The following TEX10 variants were observed in gnomAD, a reference collection of about 807,000 sequenced individuals.
TEX10 encodes testis-expressed protein 10.
TEX10 carries 24 observed loss-of-function variants against 104.4 expected under a neutral mutation model. The ratio of observed to expected loss-of-function variants is 0.23; its 90% confidence interval spans 0.17 to 0.32. TEX10 has a LOEUF of 0.32. TEX10 is among the 10% of genes least tolerant of loss of function. The pLI, the probability that TEX10 is intolerant of heterozygous loss-of-function variation, is 1.00. For missense variants in TEX10, 921 were observed against 1,083.9 expected, an observed-to-expected ratio of 0.85 and a Z score of 2.11; for synonymous variants, 396 against 393.4, an observed-to-expected ratio of 1.01 and a Z score of -0.08.
intron 13 of TEX10, chr9:100,304,212 TAC>T (rs1375113817): frequency 4.2e-6 from 1 of 237,716 alleles, no homozygotes; most frequent in Non-Finnish European, 8.4e-6. Flanking sequence ...CCTATCAAAC[TAC>T]CAACATCATT....
At chr9:100,347,439 C>A (rs561479468) in intron 2 of TEX10, 33 bp from the exon 3 acceptor site, 1 of 1,449,662 alleles carries the variant, frequency 6.9e-7, no homozygotes, top group East Asian at 2.3e-5. Context: ...TAGATGTATA[C>A]TTATATACAT....
intron 4 of TEX10, among the ~76,000 whole-genome samples, chr9:100,345,435 CAA>C (rs980429039): frequency 2.6e-5 from 4 of 152,206 alleles, no homozygotes; most frequent in African/African-American, 9.6e-5. Flanking sequence ...CCTGCCTTAT[CAA>C]AAGTCCTTAC....
At chr9:100,338,878 G>A (rs2118912243) in intron 5 of TEX10, among the ~76,000 whole-genome samples, 1 of 152,002 alleles carries the variant, frequency 6.6e-6, no homozygotes, top group Non-Finnish European at 1.5e-5. Flanking sequence ...GCAACAGAGT[G>A]AGACTCTGTC....
chr9:100,313,236 C>A (rs918920753), intron 11 of TEX10, among the ~76,000 whole-genome samples: 2 of 152,088 alleles, frequency 1.3e-5, no homozygotes, highest in Non-Finnish European at 2.9e-5. Flanking sequence ...AAATAGTGGC[C>A]GGGCATGGTG....
chr9:100,312,417 T>G (rs1834304019), intron 11 of TEX10, among the ~76,000 whole-genome samples: 1 of 152,080 alleles, frequency 6.6e-6, no homozygotes. Flanking sequence ...GTAAATATAT[T>G]AAGTATAACT....
Position 100,352,507 on chromosome 9 carries a change from C to T in TEX10, c.-10+265G>A, listed in dbSNP as rs117096794. The T allele has an allele frequency of 1.7e-3, 2,592 of 1,551,040 alleles. 69 individuals are homozygous for T. In the East Asian group the frequency reaches 0.047, roughly 28 times the overall value. On this transcript the variant is annotated intron_variant, in intron 1 of 14. Transcript: ENST00000374902. ...GGAAGTGGGGCCCGATTCACACACTCCGGGCTAAAACTCTCTCGGACCCGA... is the reference window on the plus strand; with the variant it reads ...GGAAGTGGGGCCCGATTCACACACTTCGGGCTAAAACTCTCTCGGACCCGA...
intron 9 of TEX10, among the ~76,000 whole-genome samples, chr9:100,325,710 T>C (rs1588174557): frequency 6.6e-6 from 1 of 152,200 alleles, no homozygotes; most frequent in East Asian, 1.9e-4. Context: ...TTTGTATTTA[T>C]AGCAGAGATG....
intron 5 of TEX10, 52 bp from the exon 6 acceptor site, chr9:100,330,221 T>C (rs1328557835): frequency 4.0e-6 from 5 of 1,239,920 alleles, no homozygotes; most frequent in Admixed American, 2.2e-5. Flanking sequence ...CCATGCCTGC[T>C]TCATTAGAAT....
At position 100,320,406 on chromosome 9, in the gene TEX10, A is replaced by C. The variant is rs1281375624; in HGVS notation, c.2069-8T>G. 3.8e-6 allele frequency: 6 copies of C among 1,575,698 alleles called. No homozygotes were observed. Among genetic ancestry groups the C allele is most frequent in the Non-Finnish European group, 5.1e-6 (6 of 1,166,350 alleles). ...ACTCCTCTTTCGAAAACCCTAATTC[A>C]GGTAACAAAGAAAGCCAATTTAAAA... On this transcript the variant is annotated splice_polypyrimidine_tract_variant and splice_region_variant and intron_variant, in intron 10 of 14. Coordinates refer to ENST00000374902, the MANE Select transcript of TEX10 (RefSeq NM_017746.4).
chr9:100,306,812 C>T (rs1372975951), intron 13 of TEX10: 1 of 152,190 alleles, frequency 6.6e-6, no homozygotes, highest in Admixed American at 6.5e-5. Flanking sequence ...GTATTACACA[C>T]ACTTAATTTT....
chr9:100,304,160 AT>A, intron 13 of TEX10: 3 of 370,546 alleles, frequency 8.1e-6, no homozygotes, highest in Non-Finnish European at 1.5e-5. Context: ...TATTGTTAAA[AT>A]GGCCACACTG....
chr9:100,342,100 G>A (rs149670658), intron 4 of TEX10, among the ~76,000 whole-genome samples: 38 of 152,088 alleles, frequency 2.5e-4, no homozygotes, highest in African/African-American at 4.1e-4. Context: ...TCAAATATGC[G>A]AAGCCTGTTC....
At chr9:100,341,953 G>A (rs896890545) in intron 4 of TEX10, among the ~76,000 whole-genome samples, 1 of 152,058 alleles carries the variant, frequency 6.6e-6, no homozygotes, top group African/African-American at 2.4e-5. Context: ...TGGTCTTTTC[G>A]CCACACTCAG....
In TEX10 at chr9:100,347,006, T is replaced by G. The variant is rs956478530; in HGVS notation, c.581A>C (p.Gln194Pro). The change falls in exon 3 of 15, where the codon CAG becomes CCG. Residue 194 changes from glutamine (Q) to proline (P), a missense_variant. Transcript: ENST00000374902. ...TCTATTTATCAGTCCTTTGGACAGC[T>G]GCTGATGAGAAATAAGTTCTACAAA... ...KNFVELISHQ[Q>P]LSKGLINRDR... is the part of the protein sequence containing the mutation. The G allele has an allele frequency of 2.1e-5, 34 of 1,614,060 alleles. No individual in the cohort carries two copies. The highest frequency in any genetic ancestry group is 2.6e-5 in the Non-Finnish European group (31 of 1,180,012).
chr9:100,327,477 T>G (rs572726658), intron 8 of TEX10, among the ~76,000 whole-genome samples: 1 of 151,590 alleles, frequency 6.6e-6, no homozygotes, highest in African/African-American at 2.4e-5. Context: ...AAATAAGTAA[T>G]AAAGATATGT....
At chr9:100,328,848 T>C (rs371806687) in intron 7 of TEX10, among the ~76,000 whole-genome samples, 2 of 152,274 alleles carry the variant, frequency 1.3e-5, no homozygotes, top group East Asian at 3.9e-4. Flanking sequence ...GTAATTTTTA[T>C]GGGAGGGGAA....
chr9:100,336,723 A>T (rs1445186139), intron 5 of TEX10, among the ~76,000 whole-genome samples: 2 of 152,172 alleles, frequency 1.3e-5, no homozygotes, highest in East Asian at 3.8e-4. Flanking sequence ...CCATGGAAAC[A>T]TTGTTTTCCA....
At chr9:100,329,360 T>G (rs1834794486) in intron 6 of TEX10, 85 bp from the exon 7 acceptor site, 18 of 1,486,536 alleles carry the variant, frequency 1.2e-5, no homozygotes, top group Non-Finnish European at 1.4e-5. Context: ...CGAAGTACTT[T>G]ACTTTCTTCC....
chr9:100,352,876 C>T lies in TEX10; in HGVS notation c.-114G>A, dbSNP rs150889475. The stretch of plus-strand genomic sequence containing the variant: ...GCCGCCGACCTCAGGCTCTAGCTCC[C>T]GGAGCGTGTTTTCAAATAGCCTCGT... On this transcript the variant is annotated 5_prime_UTR_variant, in exon 1 of 15. Coordinates refer to ENST00000374902, the MANE Select transcript of TEX10 (RefSeq NM_017746.4). 2,428 of 997,764 alleles carry T rather than the reference C, an allele frequency of 2.4e-3. 7 individuals carry two copies. The highest frequency in any genetic ancestry group is 0.015 in the Middle Eastern group (29 of 1,976). The allele number at this position is 997,764 out of a possible 1,614,324, so 61.8% of individuals were successfully genotyped here.
Sources: allele counts gnomAD v4.1 joint callset (sites outside exome capture counted in the v4.1 genomes callset), GRCh38; gene constraint gnomAD v4.1.1; transcripts MANE v1.5; gene names NCBI Gene and HGNC (gene_info 2026-07-23, HGNC 2026-07-21).